Variants in DMD observed in about 807,000 individuals in gnomAD.
The protein encoded by DMD is mutant dystrophin.
In DMD, 63 loss-of-function variants were observed where a neutral mutation model predicts 330.1. That is an observed-to-expected ratio of 0.19 (90% CI 0.16 to 0.24). The LOEUF (loss-of-function observed/expected upper bound fraction) is 0.24, where lower values mean the gene tolerates loss of function less well. Ranked by LOEUF, DMD falls within the 10% of genes least tolerant of loss-of-function variation. DMD has a pLI of 1.00. For synonymous variants in DMD, 1,223 were observed against 959.8 expected, an observed-to-expected ratio of 1.27 and a Z score of -5.07; for missense variants, 3,344 against 2,684.1, an observed-to-expected ratio of 1.25 and a Z score of -5.43.
chrX:31,387,933 T>C (rs1239076486), intron 60 of DMD, among the ~76,000 whole-genome samples: 1 of 111,355 alleles, frequency 9.0e-6, no homozygotes, highest in Non-Finnish European at 1.9e-5. Flanking sequence ...TATTTCAACA[T>C]GCTGTCACTA....
intron 76 of DMD, among the ~76,000 whole-genome samples, chrX:31,137,107 C>G (rs1056208127): frequency 1.8e-5 from 2 of 111,430 alleles, no homozygotes; most frequent in Non-Finnish European, 3.8e-5. Flanking sequence ...CAACCTCTGC[C>G]TTCCGGGTTC....
At chrX:31,329,624 T>C (rs1174867383) in intron 61 of DMD, among the ~76,000 whole-genome samples, 1 of 111,184 alleles carries the variant, frequency 9.0e-6, no homozygotes, top group Non-Finnish European at 1.9e-5. Flanking sequence ...CTGTACAACA[T>C]AGTGCCTATA....
chrX:32,780,032 G>A (rs903648337), intron 7 of DMD, among the ~76,000 whole-genome samples: 7 of 111,128 alleles, frequency 6.3e-5, no homozygotes, highest in Non-Finnish European at 1.3e-4. Flanking sequence ...ATTTTACATA[G>A]AAATCATGAT....
At chrX:32,695,364 G>A (rs148244615) in intron 9 of DMD, among the ~76,000 whole-genome samples, 1 of 111,775 alleles carries the variant, frequency 8.9e-6, no homozygotes, top group Non-Finnish European at 1.9e-5. Flanking sequence ...GAAAATTTTG[G>A]GGCACCTGTG....
intron 29 of DMD, among the ~76,000 whole-genome samples, chrX:32,430,132 T>G (rs1318490363): frequency 9.0e-6 from 1 of 111,535 alleles, no homozygotes; most frequent in Non-Finnish European, 1.9e-5. Flanking sequence ...TATTTTCCAT[T>G]GCTTTTTTAT....
chrX:31,275,155 T>TTGTGTG (rs59068818), intron 62 of DMD, among the ~76,000 whole-genome samples: 30 of 96,441 alleles, frequency 3.1e-4, no homozygotes, highest in Non-Finnish European at 5.2e-4. Context: ...AAATCAGGTT[T>TTGTGTG]TGTGTGTGTG....
chrX:33,302,835 T>C, intron 1 of DMD, among the ~76,000 whole-genome samples: 1 of 111,638 alleles, frequency 9.0e-6, no homozygotes, highest in East Asian at 2.8e-4. Flanking sequence ...GTGCATTCTA[T>C]GGATTTGGAC....
At chrX:32,838,933 C>T (rs746197355) in intron 4 of DMD, among the ~76,000 whole-genome samples, 2 of 112,006 alleles carry the variant, frequency 1.8e-5, no homozygotes, top group African/African-American at 6.5e-5. Flanking sequence ...GGGTATATAT[C>T]CAAAGGATTA....
At chrX:31,171,771 T>C in intron 73 of DMD, among the ~76,000 whole-genome samples, 1 of 111,778 alleles carries the variant, frequency 8.9e-6, no homozygotes, top group East Asian at 2.8e-4. Context: ...AGGGTTGGCT[T>C]ATCATCCTGC....
intron 1 of DMD, among the ~76,000 whole-genome samples, chrX:33,311,495 T>C (rs1399928620): frequency 9.0e-6 from 1 of 110,825 alleles, no homozygotes; most frequent in Non-Finnish European, 1.9e-5. Context: ...AAAAATAATA[T>C]GGTGAAATAG....
chrX:32,065,967 A>G (rs751378914), intron 44 of DMD, among the ~76,000 whole-genome samples: 6 of 111,109 alleles, frequency 5.4e-5, no homozygotes, highest in Non-Finnish European at 9.5e-5. Context: ...AAAAATCTCA[A>G]CAGTCTAAAG....
chrX:32,367,239 G>T (rs191887212), intron 34 of DMD, among the ~76,000 whole-genome samples: 90 of 111,678 alleles, frequency 8.1e-4, no homozygotes, highest in African/African-American at 2.8e-3. Flanking sequence ...AACCATAGAT[G>T]TTAGCCATTG....
At chrX:32,289,389 G>T (rs891756339) in intron 42 of DMD, among the ~76,000 whole-genome samples, 1 of 110,496 alleles carries the variant, frequency 9.1e-6, no homozygotes, top group Non-Finnish European at 1.9e-5. Flanking sequence ...AGGATTAAGG[G>T]TTCCCTTGTA....
chrX:32,517,941 T>A lies in DMD; in HGVS notation c.2292+67A>T, dbSNP rs780725279. 3 of 1,113,981 alleles carry A rather than the reference T, an allele frequency of 2.7e-6. No homozygotes were observed. In the African/African-American group the frequency reaches 5.4e-5, roughly 20 times the overall value. 91.8% of individuals were successfully genotyped at this position (1,113,981 alleles called of 1,213,427 possible). On this transcript the variant is annotated intron_variant, in intron 18 of 78. Coordinates refer to ENST00000357033, the MANE Select transcript of DMD (RefSeq NM_004006.3). ...ATCTATCAACTAGTAGAATCACAGA[T>A]AACAAAGCACGGAGTTTACAAGCAG...
At chrX:31,444,234 C>A (rs1416680293) in intron 60 of DMD, among the ~76,000 whole-genome samples, 2 of 110,912 alleles carry the variant, frequency 1.8e-5, no homozygotes, top group African/African-American at 6.6e-5. Flanking sequence ...AATTACCCAG[C>A]CCCAAGTATT....
chrX:32,215,265 A>G (rs755582007), intron 44 of DMD, among the ~76,000 whole-genome samples: 14 of 111,386 alleles, frequency 1.3e-4, no homozygotes, highest in Admixed American at 4.8e-4. Flanking sequence ...TAAATGTACA[A>G]TTGGAGTTCC....
chrX:31,643,647 T>C (rs1016290526), intron 54 of DMD, among the ~76,000 whole-genome samples: 1 of 111,990 alleles, frequency 8.9e-6, no homozygotes, highest in African/African-American at 3.2e-5. Flanking sequence ...TATGGAAAAG[T>C]AGTTCTATGA....
At chrX:32,200,890 GAT>G (rs1391388511) in intron 44 of DMD, among the ~76,000 whole-genome samples, 2 of 111,328 alleles carry the variant, frequency 1.8e-5, no homozygotes, top group Non-Finnish European at 3.8e-5. Flanking sequence ...CTCACATTGT[GAT>G]TTTTATTGTC....
chrX:32,565,676 G>T, intron 16 of DMD, 26 bp downstream of exon 16: 3 of 1,198,178 alleles, frequency 2.5e-6, no homozygotes, highest in Non-Finnish European at 3.4e-6. Context: ...GAGATAGTCT[G>T]TAGCATGATA....
Sources: allele counts gnomAD v4.1 joint callset (sites outside exome capture counted in the v4.1 genomes callset), GRCh38; gene constraint gnomAD v4.1.1; transcripts MANE v1.5; gene names NCBI Gene and HGNC (gene_info 2026-07-23, HGNC 2026-07-21).